The following SLC5A10 variants were observed in gnomAD, a reference collection of about 807,000 sequenced individuals.
SLC5A10 encodes the protein sodium/mannose cotransporter SLC5A10.
In SLC5A10, 55 loss-of-function variants were observed where a neutral mutation model predicts 68.9. That is an observed-to-expected ratio of 0.80 (90% CI 0.64 to 1.00). SLC5A10 has a LOEUF of 1.00. Ranked by LOEUF, SLC5A10 falls within the 50% of genes least tolerant of loss-of-function variation. The pLI is 0.00. For synonymous variants in SLC5A10, 344 were observed against 344.8 expected (o/e 1.00, Z 0.02); for missense variants, 732 against 819.3 (o/e 0.89, Z 1.30).
At chr17:18,965,422 G>A (rs1208317256) in intron 5 of SLC5A10, among the ~76,000 whole-genome samples, 3 of 152,220 alleles carry the variant, frequency 2.0e-5, no homozygotes, top group South Asian at 2.1e-4. Flanking sequence ...GCTGTCCCAC[G>A]AAGGATGGGA....
At chr17:18,988,518 G>A in intron 9 of SLC5A10, 1 of 1,545,064 alleles carries the variant, frequency 6.5e-7, no homozygotes, top group Non-Finnish European at 8.8e-7. Flanking sequence ...CCTCTCACAG[G>A]TGCCCACTCT....
chr17:18,958,876 C>T (rs1370811015), intron 2 of SLC5A10, 123 bp downstream of exon 2: 1 of 1,140,818 alleles, frequency 8.8e-7, no homozygotes, highest in Non-Finnish European at 1.3e-6. Context: ...CGGAGGCTGG[C>T]AGGAGGTCCC....
chr17:19,017,223 G>A lies in SLC5A10; in HGVS notation c.1241+2024G>A. ...TTCTCTCAGCTGCCAGCTGGATAGA[G>A]CAGAAAGGGCCCCGTGCCAGGTGTC... On this transcript the variant is annotated intron_variant, in intron 11 of 14. Transcript: ENST00000395645. This position sits in a 1 kb window ranked among gnomAD's most constrained non-coding sequence, Gnocchi z 5.6. The A allele has an allele frequency of 6.9e-7, 1 of 1,444,042 alleles. No homozygotes were observed. The highest frequency in any genetic ancestry group is 9.5e-7 in the Non-Finnish European group (1 of 1,050,878). 89.5% of individuals were successfully genotyped at this position (1,444,042 alleles called of 1,614,324 possible).
intron 9 of SLC5A10, chr17:18,978,912 G>GT: frequency 6.4e-7 from 1 of 1,573,704 alleles, no homozygotes; most frequent in Non-Finnish European, 8.7e-7. Flanking sequence ...CCCAGCCCCC[G>GT]TGCACCCATA....
rs767179511 is a variant in SLC5A10, at chr17:18,969,371, G to A, written c.589G>A (p.Ala197Thr). 4.3e-6 allele frequency: 7 copies of A among 1,613,590 alleles called. No homozygotes were observed. The highest frequency in any genetic ancestry group is 5.9e-6 in the Non-Finnish European group (7 of 1,180,030). Residue 197 changes from alanine to threonine, a missense_variant, in exon 7 of 15, where the codon GCC becomes ACC. Physicochemically the swap from Ala to Thr is moderately conservative, Grantham distance 58. Coordinates refer to ENST00000395645, the MANE Select transcript of SLC5A10 (RefSeq NM_001042450.4). ...GGLAAVIYTD[A>T]LQTLIMVVGA... ...CCTGGCTGCTGTAATCTACACGGAC[G>A]CCCTGCAGACGCTCATCATGGTGGT...
rs1555580919 is a variant in SLC5A10 at position 19,015,197 on chromosome 17, A to ACGGTACCGGGGTGGGGGC, written c.1241+4_1241+5insCGGGGTGGGGGCCGGTAC. On this transcript the variant is annotated inframe_insertion and splice_region_variant, in exon 11 of 15. Transcript: ENST00000395645. ...GCGAGCGGGAGCTCCTGCTGGTGGG[A>ACGGTACCGGGGTGGGGGC]CGGTACGGGGGTGGGGGCCAGTACG... is the stretch of plus-strand genomic sequence containing the variant. 1 of 903,290 alleles carries ACGGTACCGGGGTGGGGGC rather than the reference A, an allele frequency of 1.1e-6. No homozygotes were observed. The highest frequency in any genetic ancestry group is 1.7e-6 in the Non-Finnish European group (1 of 591,684). 56.0% of individuals were successfully genotyped at this position (903,290 alleles called of 1,614,324 possible).
intron 9 of SLC5A10, among the ~76,000 whole-genome samples, chr17:18,990,911 G>T (rs2043405364): frequency 6.6e-6 from 1 of 152,150 alleles, no homozygotes; most frequent in African/African-American, 2.4e-5. Context: ...GGAAAGCTGG[G>T]ATCACAGTCC....
intron 9 of SLC5A10, chr17:18,977,271 G>T: frequency 1.7e-6 from 1 of 583,956 alleles, no homozygotes; most frequent in Non-Finnish European, 3.0e-6. Flanking sequence ...TAGGGACTGT[G>T]CCACCCATCT....
At chr17:18,990,754 G>A (rs555570990) in intron 9 of SLC5A10, among the ~76,000 whole-genome samples, 20 of 152,234 alleles carry the variant, frequency 1.3e-4, no homozygotes, top group Non-Finnish European at 2.5e-4. Flanking sequence ...AGATGGGTTT[G>A]TAACAGGCAC....
At chr17:19,006,211 G>A (rs1291933978) in intron 9 of SLC5A10, among the ~76,000 whole-genome samples, 1 of 152,096 alleles carries the variant, frequency 6.6e-6, no homozygotes, top group African/African-American at 2.4e-5. Flanking sequence ...AATCCACAAA[G>A]CTTATTTAGA....
chr17:19,005,081 G>A (rs1451366517), intron 9 of SLC5A10, among the ~76,000 whole-genome samples: 1 of 152,214 alleles, frequency 6.6e-6, no homozygotes, highest in Non-Finnish European at 1.5e-5. Context: ...CCCTGGCTGT[G>A]CCCAGTTTCG....
chr17:18,989,216 G>A (rs2043348799), intron 9 of SLC5A10, among the ~76,000 whole-genome samples: 1 of 151,156 alleles, frequency 6.6e-6, no homozygotes, highest in Non-Finnish European at 1.5e-5. Context: ...CCAGGTCTGA[G>A]GACCACCTGG....
chr17:18,985,624 G>A lies in SLC5A10; in HGVS notation c.982+8635G>A, dbSNP rs1597864587. 2.6e-5 allele frequency among the ~76,000 whole-genome samples: 4 copies of A among 152,336 alleles called. No individual in the cohort carries two copies. In the South Asian group the frequency reaches 8.3e-4, roughly 32 times the overall value. ...CTCGACAGGGGGTGACACTTGGCTG[G>A]GGCTGGGCTCTCAGGGCCTCTGGCC... On this transcript the variant is annotated intron_variant, in intron 9 of 14. Coordinates refer to ENST00000395645, the MANE Select transcript of SLC5A10 (RefSeq NM_001042450.4).
At chr17:18,959,352 C>T in intron 3 of SLC5A10, 113 bp downstream of exon 3, 1 of 1,098,492 alleles carries the variant, frequency 9.1e-7, no homozygotes, top group Non-Finnish European at 1.3e-6. Context: ...CAGGTGGGCT[C>T]TGTGCAGTGC....
chr17:18,990,767 G>C (rs1223344574), intron 9 of SLC5A10, among the ~76,000 whole-genome samples: 1 of 149,832 alleles, frequency 6.7e-6, no homozygotes, highest in Non-Finnish European at 1.5e-5. Context: ...ACAGGCACGA[G>C]CTTATGCTGG....
intron 9 of SLC5A10, among the ~76,000 whole-genome samples, chr17:18,994,210 A>G (rs370749365): frequency 1.3e-5 from 2 of 152,058 alleles, no homozygotes; most frequent in Non-Finnish European, 1.5e-5. Flanking sequence ...GCAATAAAAA[A>G]CCCGGATAAA....
chr17:19,015,143 C>T lies in SLC5A10; in HGVS notation c.1185C>T (p.Asp395=), dbSNP rs1329503322. 2 of 1,612,294 alleles carry T rather than the reference C, an allele frequency of 1.2e-6. No individual in the cohort carries two copies. Among genetic ancestry groups the T allele is most frequent in the South Asian group, 2.2e-5 (2 of 91,006 alleles). The change falls in exon 11 of 15, where the codon GAC becomes GAT. Residue 395 remains aspartate, a synonymous_variant. Transcript: ENST00000395645. ...GCAGCAGCACCCTCTTCACTATGGACATCTGGAGGCGGCTGCGTCCCCGCT... is the reference window on the plus strand; with the variant it reads ...GCAGCAGCACCCTCTTCACTATGGATATCTGGAGGCGGCTGCGTCCCCGCT... ...FNSSSTLFTM[D]IWRRLRPRSG... is the part of the protein sequence containing the mutation.
intron 2 of SLC5A10, 55 bp downstream of exon 2, chr17:18,958,808 G>C (rs985488315): frequency 6.3e-7 from 1 of 1,585,594 alleles, no homozygotes; most frequent in Non-Finnish European, 8.7e-7. Flanking sequence ...GGCTGTGTCT[G>C]ATCTCTAGGT....
chr17:18,973,139 AG>A (rs2042896710), intron 8 of SLC5A10, among the ~76,000 whole-genome samples: 1 of 152,332 alleles, frequency 6.6e-6, no homozygotes, highest in South Asian at 2.1e-4. Context: ...TTGGCCGTGG[AG>A]GGCACAGTAG....
Sources: allele counts gnomAD v4.1 joint callset (sites outside exome capture counted in the v4.1 genomes callset), GRCh38; gene constraint gnomAD v4.1.1; non-coding constraint Gnocchi (gnomAD v3.1); transcripts MANE v1.5; gene names NCBI Gene and HGNC (gene_info 2026-07-23, HGNC 2026-07-21).